The following PLCE1 variants were observed in gnomAD, a reference collection of about 807,000 sequenced individuals.
PLCE1 encodes the protein 1-phosphatidylinositol 4,5-bisphosphate phosphodiesterase epsilon-1.
A neutral mutation model predicts 242.8 loss-of-function variants in PLCE1; 119 were observed. The observed-to-expected ratio is 0.49, with a 90% CI of 0.42 to 0.57. The LOEUF (loss-of-function observed/expected upper bound fraction) is 0.57. PLCE1 is among the 20% of genes least tolerant of loss of function. The pLI, the probability that PLCE1 is intolerant of heterozygous loss-of-function variation, is 0.00. For missense variants in PLCE1, 2,441 were observed against 2,788.8 expected (o/e 0.88, Z 2.81); for synonymous variants, 945 against 1,017.4 (o/e 0.93, Z 1.35).
chr10:94,119,108 G>A (rs1463996415), intron 2 of PLCE1, among the ~76,000 whole-genome samples: 1 of 152,206 alleles, frequency 6.6e-6, no homozygotes, highest in Non-Finnish European at 1.5e-5. Context: ...TACCTTGTGA[G>A]TACAAATGAA....
chr10:94,141,820 T>C lies in PLCE1; in HGVS notation c.1492+9361T>C, dbSNP rs118036562. On this transcript the variant is annotated intron_variant, in intron 3 of 32. Coordinates refer to ENST00000371380, the MANE Select transcript of PLCE1 (RefSeq NM_016341.4). ...GGATAGCAACACCAGACAGACACTTTGGGTTTACATATCTGAGCTGGTTAT... is the reference window on the plus strand; with the variant it reads ...GGATAGCAACACCAGACAGACACTTCGGGTTTACATATCTGAGCTGGTTAT... Among the ~76,000 whole-genome samples, 1,183 of 152,282 alleles carry C rather than the reference T, an allele frequency of 7.8e-3. 7 individuals carry two copies. The highest frequency in any genetic ancestry group is 0.012 in the Non-Finnish European group (806 of 68,026).
chr10:94,291,475 A>G (rs1214831344), intron 22 of PLCE1, among the ~76,000 whole-genome samples: 3 of 152,226 alleles, frequency 2.0e-5, no homozygotes, highest in Non-Finnish European at 4.4e-5. Flanking sequence ...GAAGAGAGGC[A>G]GCCACCAGGC....
intron 4 of PLCE1, among the ~76,000 whole-genome samples, chr10:94,203,777 C>T (rs544044650): frequency 6.6e-6 from 1 of 152,322 alleles, no homozygotes; most frequent in South Asian, 2.1e-4. Context: ...AAACAGGCCA[C>T]AGACCTGGCT....
chr10:94,020,689 G>C (rs1198446223), intron 1 of PLCE1, among the ~76,000 whole-genome samples: 3 of 151,926 alleles, frequency 2.0e-5, no homozygotes, highest in Non-Finnish European at 4.4e-5. Context: ...TCATGCAGAA[G>C]TTTTGTTGAT....
intron 29 of PLCE1, among the ~76,000 whole-genome samples, chr10:94,320,537 C>T (rs1564894754): frequency 6.6e-6 from 1 of 152,176 alleles, no homozygotes; most frequent in Non-Finnish European, 1.5e-5. Flanking sequence ...TCCAAGATAG[C>T]GACAGCAACT....
At chr10:94,277,188 C>G (rs913265691) in intron 19 of PLCE1, among the ~76,000 whole-genome samples, 4 of 152,136 alleles carry the variant, frequency 2.6e-5, no homozygotes, top group African/African-American at 9.7e-5. Context: ...CTATACCCCA[C>G]CAGGATCCTC....
intron 2 of PLCE1, among the ~76,000 whole-genome samples, chr10:94,070,227 C>G (rs1460785741): frequency 6.6e-6 from 1 of 152,146 alleles, no homozygotes; most frequent in Non-Finnish European, 1.5e-5. Flanking sequence ...GTTAAGATGC[C>G]TGGCTTGGAA....
intron 7 of PLCE1, among the ~76,000 whole-genome samples, chr10:94,243,586 A>C (rs2050582146): frequency 6.6e-6 from 1 of 152,224 alleles, no homozygotes; most frequent in Non-Finnish European, 1.5e-5. Flanking sequence ...CTATAAATCT[A>C]AAACTATCCT....
At chr10:94,258,993 T>G in intron 12 of PLCE1, 21 bp from the exon 13 acceptor site, 1 of 1,614,078 alleles carries the variant, frequency 6.2e-7, no homozygotes, top group Non-Finnish European at 8.5e-7. Context: ...CAATGAGAGG[T>G]GTTTTCCATT....
intron 1 of PLCE1, among the ~76,000 whole-genome samples, chr10:94,018,076 G>T (rs147444969): frequency 6.6e-6 from 1 of 152,276 alleles, no homozygotes; most frequent in African/African-American, 2.4e-5. Context: ...ATTAAGGAAT[G>T]ACTTCTAGAG....
intron 14 of PLCE1, 61 bp downstream of exon 14, chr10:94,262,793 C>G (rs2051349316): frequency 1.9e-6 from 2 of 1,067,682 alleles, no homozygotes; most frequent in South Asian, 1.2e-5. Flanking sequence ...TAATAATTTG[C>G]TGCTAAATGT....
intron 2 of PLCE1, among the ~76,000 whole-genome samples, chr10:94,115,010 A>G (rs2046077545): frequency 6.6e-6 from 1 of 151,578 alleles, no homozygotes. Flanking sequence ...AAGTGAGAAC[A>G]TGCGATGTTT....
intron 2 of PLCE1, among the ~76,000 whole-genome samples, chr10:94,046,060 T>C (rs1304971158): frequency 6.6e-6 from 1 of 152,258 alleles, no homozygotes; most frequent in Non-Finnish European, 1.5e-5. Context: ...TGGCTGATCC[T>C]GTCTTCATTT....
In PLCE1 at chr10:94,262,474, C is replaced by T. The variant is rs750228416; in HGVS notation, c.3815-20C>T. ...AGATGCTGGCTATCTTGTCCATGTA[C>T]TGTGGTGATTCTGTTTCAGATCTGT... On this transcript the variant is annotated intron_variant, in intron 13 of 32. Transcript: ENST00000371380. 20 of 1,491,906 alleles carry T rather than the reference C, an allele frequency of 1.3e-5. No homozygotes were observed. Among genetic ancestry groups the T allele is most frequent in the Non-Finnish European group, 1.9e-5 (20 of 1,068,818 alleles). 92.4% of individuals were successfully genotyped at this position (1,491,906 alleles called of 1,614,324 possible). A position where few individuals can be genotyped will look rare whatever the true frequency, so the allele number is the denominator to read the frequency against.
chr10:94,304,518 C>G lies in PLCE1; in HGVS notation c.5495C>G (p.Ala1832Gly). Reference sequence around the variant, plus strand: ...CATTTAAATGCTGCAATGTTTGAGGCAAATGGTGGTTGTGGTTATGTATTG... The same window carrying G: ...CATTTAAATGCTGCAATGTTTGAGGGAAATGGTGGTTGTGGTTATGTATTG... ...PLHLNAAMFE[A>G]NGGCGYVLKP... Residue 1832 changes from alanine (A) to glycine (G), a missense_variant, in exon 25 of 33, where the codon GCA (alanine) becomes GGA (glycine). This residue lies in a region of PLCE1 where 1,004 missense variants were observed against 1,322.7 expected (regional missense o/e 0.76). Coordinates refer to ENST00000371380, the MANE Select transcript of PLCE1 (RefSeq NM_016341.4). 1 of 1,614,044 alleles carries G rather than the reference C, an allele frequency of 6.2e-7. No homozygotes were observed. Among genetic ancestry groups the G allele is most frequent in the Non-Finnish European group, 8.5e-7 (1 of 1,179,928 alleles).
intron 22 of PLCE1, among the ~76,000 whole-genome samples, chr10:94,285,388 T>A (rs886498691): frequency 1.3e-5 from 2 of 152,076 alleles, no homozygotes; most frequent in Non-Finnish European, 2.9e-5. Context: ...AGTTTCAGAG[T>A]ATATCAGTCA....
intron 11 of PLCE1, among the ~76,000 whole-genome samples, chr10:94,257,367 A>C (rs1424534032): frequency 6.6e-6 from 1 of 152,076 alleles, no homozygotes; most frequent in Non-Finnish European, 1.5e-5. Flanking sequence ...GACAAAAAAA[A>C]ACAGGTCCTC....
chr10:94,255,208 C>G (rs2051029206), intron 11 of PLCE1, among the ~76,000 whole-genome samples, 159 bp downstream of exon 11: 1 of 152,164 alleles, frequency 6.6e-6, no homozygotes, highest in South Asian at 2.1e-4. Context: ...GATCCTAATT[C>G]TCCCAATTTT....
intron 4 of PLCE1, among the ~76,000 whole-genome samples, chr10:94,188,669 A>T (rs963981546): frequency 3.9e-5 from 6 of 152,128 alleles, no homozygotes; most frequent in African/African-American, 1.4e-4. Context: ...GCAATGGCAC[A>T]ATCTTGGCTC....
Sources: gnomAD v4.1 joint callset for allele counts (sites outside exome capture counted in the v4.1 genomes callset) on GRCh38, gnomAD v4.1.1 for gene constraint, gnomAD v4.1.1 regional missense constraint, MANE v1.5 for transcripts, NCBI Gene and HGNC (gene_info 2026-07-23, HGNC 2026-07-21) for gene names.